FGF14: variants seen among roughly 807,000 people sequenced by gnomAD.
FGF14 encodes the protein fibroblast growth factor homologous factor 4.
A neutral mutation model predicts 25.5 loss-of-function variants in FGF14; 5 were observed. The observed-to-expected ratio is 0.20, with a 90% confidence interval of 0.10 to 0.41. The LOEUF (loss-of-function observed/expected upper bound fraction) is 0.41, where lower values mean the gene tolerates loss of function less well. FGF14 is among the 10% of genes least tolerant of loss of function. The pLI, the probability that FGF14 is intolerant of heterozygous loss-of-function variation, is 1.00. For missense variants in FGF14, 222 were observed against 320.1 expected, an observed-to-expected ratio of 0.69 and a Z score of 2.34; for synonymous variants, 138 against 118.3, an observed-to-expected ratio of 1.17 and a Z score of -1.08.
intron 1 of FGF14, among the ~76,000 whole-genome samples, chr13:101,949,432 G>A (rs1464674523): frequency 6.6e-6 from 1 of 152,122 alleles, no homozygotes; most frequent in African/African-American, 2.4e-5. Flanking sequence ...CGGAACTGCA[G>A]AAACCTGAGG....
chr13:102,255,059 T>C (rs1218307266), intron 1 of FGF14, among the ~76,000 whole-genome samples: 2 of 152,230 alleles, frequency 1.3e-5, no homozygotes, highest in South Asian at 4.1e-4. Flanking sequence ...TTGTTCACAG[T>C]GCTGTTTCCA....
intron 1 of FGF14, among the ~76,000 whole-genome samples, chr13:102,154,087 A>G (rs1284903351): frequency 6.6e-6 from 1 of 152,222 alleles, no homozygotes; most frequent in Non-Finnish European, 1.5e-5. Context: ...GAGAATAACA[A>G]CAATGTAAAT....
At chr13:102,277,252 G>GTC (rs2053594949) in intron 1 of FGF14, among the ~76,000 whole-genome samples, 1 of 152,214 alleles carries the variant, frequency 6.6e-6, no homozygotes, top group Non-Finnish European at 1.5e-5. Context: ...CAACTGCAGT[G>GTC]TCTCTTTGTT....
At chr13:101,859,702 G>A (rs1268007813) in intron 3 of FGF14, among the ~76,000 whole-genome samples, 3 of 152,014 alleles carry the variant, frequency 2.0e-5, no homozygotes, top group Non-Finnish European at 4.4e-5. Flanking sequence ...TAGGAAATAC[G>A]TGTTATGATG....
At chr13:101,994,205 G>C (rs1048500688) in intron 1 of FGF14, among the ~76,000 whole-genome samples, 5 of 151,908 alleles carry the variant, frequency 3.3e-5, no homozygotes, top group African/African-American at 9.6e-5. Flanking sequence ...AATGATTGTT[G>C]GTTCTAAATG....
chr13:101,771,637 C>G (rs2038779953), intron 3 of FGF14, among the ~76,000 whole-genome samples: 1 of 152,026 alleles, frequency 6.6e-6, no homozygotes, highest in South Asian at 2.1e-4. Context: ...ATTAATCTGG[C>G]CCATAGATAA....
chr13:102,242,849 T>C (rs2051672903), intron 1 of FGF14, among the ~76,000 whole-genome samples: 1 of 152,160 alleles, frequency 6.6e-6, no homozygotes, highest in South Asian at 2.1e-4. Context: ...CTCCCTCCAG[T>C]GTGCAACAGA....
At chr13:101,802,823 T>C (rs1347889639) in intron 3 of FGF14, among the ~76,000 whole-genome samples, 1 of 152,188 alleles carries the variant, frequency 6.6e-6, no homozygotes, top group Non-Finnish European at 1.5e-5. Flanking sequence ...GGGCTAGAAA[T>C]CCTGAGGTGT....
chr13:102,256,391 A>G (rs953675010), intron 1 of FGF14, among the ~76,000 whole-genome samples: 1 of 152,120 alleles, frequency 6.6e-6, no homozygotes, highest in African/African-American at 2.4e-5. Context: ...CCAGGTACTC[A>G]GCACGGTGAG....
At chr13:102,071,170 C>G (rs2043138919) in intron 1 of FGF14, among the ~76,000 whole-genome samples, 1 of 152,184 alleles carries the variant, frequency 6.6e-6, no homozygotes, top group African/African-American at 2.4e-5. Context: ...CAAGGGTTAT[C>G]TGCTACCCTT....
At chr13:102,120,390 G>A (rs537655204) in intron 1 of FGF14, among the ~76,000 whole-genome samples, 5 of 152,310 alleles carry the variant, frequency 3.3e-5, no homozygotes, top group African/African-American at 7.2e-5. Context: ...TCATGTCAGC[G>A]TCATGAGTAG....
intron 1 of FGF14, among the ~76,000 whole-genome samples, chr13:102,350,258 A>G (rs1220529830): frequency 6.6e-6 from 1 of 152,098 alleles, no homozygotes; most frequent in African/African-American, 2.4e-5. Context: ...AGTCCCAGCT[A>G]CTCAGGATGC....
intron 1 of FGF14, among the ~76,000 whole-genome samples, chr13:102,213,138 C>T (rs545856333): frequency 6.6e-6 from 1 of 152,188 alleles, no homozygotes; most frequent in Non-Finnish European, 1.5e-5. Flanking sequence ...CCAACATTTA[C>T]CCCGTCTGCC....
chr13:101,785,353 A>T (rs1186233911), intron 3 of FGF14, among the ~76,000 whole-genome samples: 2 of 53,242 alleles, frequency 3.8e-5, no homozygotes, highest in Non-Finnish European at 8.1e-5. Context: ...CCCAAAGATT[A>T]AAAAAAAAAA....
intron 1 of FGF14, among the ~76,000 whole-genome samples, chr13:101,902,117 T>C (rs2031641279): frequency 6.6e-6 from 1 of 152,146 alleles, no homozygotes. Context: ...CATTCTTAGA[T>C]TATTCAAAAC....
chr13:101,969,444 C>T (rs1235929353), intron 1 of FGF14, among the ~76,000 whole-genome samples: 2 of 152,148 alleles, frequency 1.3e-5, no homozygotes, highest in Non-Finnish European at 2.9e-5. Context: ...GTGTTTCTGG[C>T]TGTTAGTCAT....
At chr13:102,243,935 G>C (rs1169525962) in intron 1 of FGF14, among the ~76,000 whole-genome samples, 1 of 151,964 alleles carries the variant, frequency 6.6e-6, no homozygotes, top group Non-Finnish European at 1.5e-5. Flanking sequence ...TTCTCTTCTT[G>C]GGTTGTCTAG....
intron 1 of FGF14, among the ~76,000 whole-genome samples, chr13:102,168,616 T>C (rs2048118777): frequency 6.6e-6 from 1 of 152,200 alleles, no homozygotes; most frequent in Admixed American, 6.6e-5. Flanking sequence ...AATAGCCTTG[T>C]ATAAATCCAA....
chr13:102,110,382 T>C (rs370791425), intron 1 of FGF14, among the ~76,000 whole-genome samples: 1 of 152,124 alleles, frequency 6.6e-6, no homozygotes, highest in African/African-American at 2.4e-5. Flanking sequence ...GATGCACAGC[T>C]ACATTTATAG....
Sources: gnomAD v4.1 joint callset for allele counts (sites outside exome capture counted in the v4.1 genomes callset) on GRCh38, gnomAD v4.1.1 for gene constraint, MANE v1.5 for transcripts, NCBI Gene and HGNC (gene_info 2026-07-23, HGNC 2026-07-21) for gene names.